Variants in EBF1 observed in about 807,000 individuals in gnomAD.
EBF1 encodes transcription factor COE1.
In EBF1, 10 loss-of-function variants were observed where a neutral mutation model predicts 68.4. The observed-to-expected ratio is 0.15, with a 90% CI of 0.09 to 0.25. The LOEUF (loss-of-function observed/expected upper bound fraction) is 0.25, where lower values mean the gene tolerates loss of function less well. Among genes scored for constraint, EBF1 ranks in the 10% least tolerant of loss-of-function variants. The pLI is 1.00. For synonymous variants in EBF1, 298 were observed against 299.8 expected (o/e 0.99, Z 0.06); for missense variants, 509 against 794.4 (o/e 0.64, Z 4.32).
intron 6 of EBF1, among the ~76,000 whole-genome samples, chr5:158,953,914 A>C (rs540089333): frequency 1.1e-3 from 165 of 152,338 alleles, no homozygotes; most frequent in African/African-American, 3.9e-3. Context: ...TTCCATAATT[A>C]GGGGAAAAAT....
intron 8 of EBF1, among the ~76,000 whole-genome samples, chr5:158,822,309 G>GATAT (rs1785045334): frequency 6.6e-6 from 1 of 150,830 alleles, no homozygotes; most frequent in African/African-American, 2.5e-5. Context: ...TGGATGGATG[G>GATAT]ATGGATAGAT....
chr5:159,044,478 G>A (rs1190416785), intron 6 of EBF1, among the ~76,000 whole-genome samples: 2 of 152,164 alleles, frequency 1.3e-5, no homozygotes, highest in African/African-American at 2.4e-5. Context: ...CCTAGCTGGT[G>A]TGTAGGAGTG....
At chr5:158,870,241 T>G (rs1796656025) in intron 6 of EBF1, among the ~76,000 whole-genome samples, 1 of 152,180 alleles carries the variant, frequency 6.6e-6, no homozygotes, top group Non-Finnish European at 1.5e-5. Flanking sequence ...CAGAAAGGAC[T>G]GGGCATTTCT....
chr5:159,095,571 T>C (rs1782447746), intron 4 of EBF1, 49 bp downstream of exon 4: 2 of 1,608,244 alleles, frequency 1.2e-6, no homozygotes, highest in African/African-American at 1.3e-5. Flanking sequence ...TTGACTGCCC[T>C]GAATTTTGTG....
At chr5:158,785,498 C>T (rs529577823) in intron 9 of EBF1, among the ~76,000 whole-genome samples, 1 of 152,150 alleles carries the variant, frequency 6.6e-6, no homozygotes, top group East Asian at 1.9e-4. Context: ...TCAGAGTTCT[C>T]TGGGTTTCAT....
At chr5:159,057,052 G>A (rs1477790135) in intron 6 of EBF1, among the ~76,000 whole-genome samples, 1 of 150,082 alleles carries the variant, frequency 6.7e-6, no homozygotes, top group African/African-American at 2.5e-5. Flanking sequence ...GGGATATTCT[G>A]TAGCTTCCTC....
chr5:158,793,531 A>T (rs1474941013), intron 9 of EBF1, among the ~76,000 whole-genome samples: 1 of 151,770 alleles, frequency 6.6e-6, no homozygotes, highest in East Asian at 1.9e-4. Flanking sequence ...CTCTCTCAAG[A>T]TTGCATGTGC....
At chr5:158,893,415 T>C (rs1358572900) in intron 6 of EBF1, among the ~76,000 whole-genome samples, 3 of 152,224 alleles carry the variant, frequency 2.0e-5, no homozygotes, top group African/African-American at 7.2e-5. Flanking sequence ...TACATGTTTC[T>C]ACTTAGTAAG....
At chr5:158,963,943 G>T (rs1317286246) in intron 6 of EBF1, among the ~76,000 whole-genome samples, 1 of 152,164 alleles carries the variant, frequency 6.6e-6, no homozygotes, top group African/African-American at 2.4e-5. Flanking sequence ...TCGCTGCTGG[G>T]GATGGGGGGA....
chr5:158,908,884 C>T (rs1247148332), intron 6 of EBF1, among the ~76,000 whole-genome samples: 1 of 152,206 alleles, frequency 6.6e-6, no homozygotes, highest in East Asian at 1.9e-4. Flanking sequence ...GCTCCACACT[C>T]TACCTGTCCA....
At chr5:158,757,546 TG>T (rs1770392420) in intron 10 of EBF1, among the ~76,000 whole-genome samples, 2 of 152,150 alleles carry the variant, frequency 1.3e-5, no homozygotes, top group African/African-American at 4.8e-5. Flanking sequence ...AATGAATAAA[TG>T]GGGCACAGTG....
chr5:158,716,406 C>T (rs919407049), intron 11 of EBF1, among the ~76,000 whole-genome samples: 1 of 152,100 alleles, frequency 6.6e-6, no homozygotes. Flanking sequence ...GCATGTTTTC[C>T]CATTGAGTAC....
intron 15 of EBF1, among the ~76,000 whole-genome samples, chr5:158,702,923 A>C (rs1013251019): frequency 6.6e-6 from 1 of 152,158 alleles, no homozygotes; most frequent in Non-Finnish European, 1.5e-5. Context: ...CCTGAGCTTC[A>C]GCAAGGTGGA....
intron 6 of EBF1, among the ~76,000 whole-genome samples, chr5:159,053,809 G>A (rs1774263876): frequency 6.6e-6 from 1 of 152,194 alleles, no homozygotes; most frequent in Non-Finnish European, 1.5e-5. Context: ...GGCATTGCAT[G>A]GCAAAAATAA....
At chr5:158,753,186 C>G (rs1769304049) in intron 10 of EBF1, among the ~76,000 whole-genome samples, 1 of 151,932 alleles carries the variant, frequency 6.6e-6, no homozygotes, top group African/African-American at 2.4e-5. Flanking sequence ...GTCTTTCTCC[C>G]TCTGGTGAAG....
Position 158,906,304 on chromosome 5 carries a change from G to GAAAAAAAA in EBF1, c.555-66202_555-66195dup, listed in dbSNP as rs1238469759. ...TGTCTTTCCTTACCCTGGCAATGCAGAAAAAAAAAAAAAAAAAAGCAAAGA... is the reference window on the plus strand; with the variant it reads ...TGTCTTTCCTTACCCTGGCAATGCAGAAAAAAAAAAAAAAAAAAAAAAAAAAGCAAAGA... On this transcript the variant is annotated intron_variant, in intron 6 of 15. Transcript: ENST00000313708. Among the ~76,000 whole-genome samples the GAAAAAAAA allele has an allele frequency of 9.9e-5, 9 of 90,478 alleles. 1 individual carries two copies. The highest frequency in any genetic ancestry group is 1.3e-4 in the Non-Finnish European group (6 of 46,382). 59.4% of individuals were successfully genotyped at this position (90,478 alleles called of 152,430 possible). A position where few individuals can be genotyped will look rare whatever the true frequency, so the allele number is the denominator to read the frequency against.
chr5:158,928,039 T>C (rs1316227055), intron 6 of EBF1, among the ~76,000 whole-genome samples: 1 of 152,220 alleles, frequency 6.6e-6, no homozygotes, highest in Non-Finnish European at 1.5e-5. Context: ...TTTAAACATT[T>C]ATGGATCCTA....
At chr5:159,093,006 G>C (rs1239824551) in intron 4 of EBF1, among the ~76,000 whole-genome samples, 1 of 152,170 alleles carries the variant, frequency 6.6e-6, no homozygotes, top group East Asian at 1.9e-4. Context: ...TTTTAAATCA[G>C]ACTTGGTATT....
chr5:158,841,997 G>A (rs533138024), intron 6 of EBF1, among the ~76,000 whole-genome samples: 3 of 152,248 alleles, frequency 2.0e-5, no homozygotes, highest in East Asian at 1.9e-4. Flanking sequence ...TCAACCTTTC[G>A]TCCAAGACAA....
Sources: allele counts gnomAD v4.1 joint callset (sites outside exome capture counted in the v4.1 genomes callset), GRCh38; gene constraint gnomAD v4.1.1; transcripts MANE v1.5; gene names NCBI Gene and HGNC (gene_info 2026-07-23, HGNC 2026-07-21).